SDK1: variants seen among roughly 807,000 people sequenced by gnomAD.
SDK1 encodes protein sidekick-1.
Under a neutral mutation model 245.5 loss-of-function variants are expected in SDK1, and 157 were observed. The ratio of observed to expected loss-of-function variants is 0.64; its 90% CI spans 0.56 to 0.73. The LOEUF (loss-of-function observed/expected upper bound fraction) is 0.73, where lower values mean the gene tolerates loss of function less well. Ranked by LOEUF, SDK1 falls within the 30% of genes least tolerant of loss-of-function variation. The pLI, the probability that SDK1 is intolerant of heterozygous loss-of-function variation, is 0.00. For synonymous variants in SDK1, 1,647 were observed against 1,278.5 expected, an observed-to-expected ratio of 1.29 and a Z score of -6.15; for missense variants, 3,583 against 3,002.3, an observed-to-expected ratio of 1.19 and a Z score of -4.52.
intron 4 of SDK1, among the ~76,000 whole-genome samples, chr7:3,739,512 T>G (rs1779415631): frequency 6.6e-6 from 1 of 152,184 alleles, no homozygotes; most frequent in Non-Finnish European, 1.5e-5. Flanking sequence ...GTAATTGCTA[T>G]TAGCCTGTCT....
At chr7:3,355,190 G>C (rs1017860590) in intron 1 of SDK1, among the ~76,000 whole-genome samples, 1 of 152,164 alleles carries the variant, frequency 6.6e-6, no homozygotes, top group African/African-American at 2.4e-5. Context: ...TAAAAATTGT[G>C]AATATTCTCT....
At chr7:3,687,470 C>G (rs1674664407) in intron 4 of SDK1, among the ~76,000 whole-genome samples, 1 of 152,206 alleles carries the variant, frequency 6.6e-6, no homozygotes, top group South Asian at 2.1e-4. Context: ...GAAAACATCC[C>G]AAATGTCCCT....
At chr7:3,362,972 G>T (rs1324428918) in intron 1 of SDK1, among the ~76,000 whole-genome samples, 1 of 152,138 alleles carries the variant, frequency 6.6e-6, no homozygotes, top group Non-Finnish European at 1.5e-5. Flanking sequence ...ATAATACAGA[G>T]AAATCCTCTG....
chr7:3,568,195 G>A (rs1779988523), intron 1 of SDK1, among the ~76,000 whole-genome samples: 2 of 152,158 alleles, frequency 1.3e-5, no homozygotes, highest in Non-Finnish European at 2.9e-5. Context: ...ATGGATAAAT[G>A]CATTTAATAT....
intron 1 of SDK1, among the ~76,000 whole-genome samples, chr7:3,611,454 G>T (rs1781585034): frequency 6.6e-6 from 1 of 152,280 alleles, no homozygotes; most frequent in South Asian, 2.1e-4. Context: ...AGCCTGAACT[G>T]CCCTGTCCTC....
At chr7:4,265,083 G>C in intron 44 of SDK1, 41 bp from the exon 45 acceptor site, 1 of 1,591,792 alleles carries the variant, frequency 6.3e-7, no homozygotes, top group South Asian at 1.1e-5. Context: ...CGGGCCCTGC[G>C]CCCTGCCCTG....
intron 1 of SDK1, among the ~76,000 whole-genome samples, chr7:3,534,076 G>A (rs541232385): frequency 4.2e-4 from 64 of 152,196 alleles, no homozygotes; most frequent in Non-Finnish European, 6.5e-4. Context: ...TGGCCTCCCT[G>A]CCCGACATTG....
At chr7:3,839,917 AAT>A (rs1240082850) in intron 5 of SDK1, among the ~76,000 whole-genome samples, 1 of 152,208 alleles carries the variant, frequency 6.6e-6, no homozygotes, top group African/African-American at 2.4e-5. Context: ...TTTCAAGCTT[AAT>A]ATATATTACA....
chr7:3,598,795 T>A (rs959479500), intron 1 of SDK1, among the ~76,000 whole-genome samples: 3 of 152,232 alleles, frequency 2.0e-5, no homozygotes, highest in Admixed American at 6.5e-5. Context: ...ATCAATAGTT[T>A]GTTCCATTTT....
intron 1 of SDK1, among the ~76,000 whole-genome samples, chr7:3,322,213 A>G (rs1779835363): frequency 6.6e-6 from 1 of 151,946 alleles, no homozygotes. Context: ...CTATGGATTT[A>G]TCTATTCTGA....
chr7:4,197,509 A>G (rs1183388087), intron 35 of SDK1, among the ~76,000 whole-genome samples: 3 of 152,132 alleles, frequency 2.0e-5, no homozygotes, highest in African/African-American at 7.2e-5. Flanking sequence ...GTTATTTGAA[A>G]ACATTCTTCC....
At chr7:3,872,750 A>G (rs1037198476) in intron 5 of SDK1, among the ~76,000 whole-genome samples, 2 of 151,892 alleles carry the variant, frequency 1.3e-5, no homozygotes, top group Non-Finnish European at 2.9e-5. Context: ...CTTTTTTCTG[A>G]AAACTTTCAT....
chr7:4,078,968 G>C (rs1780879733), intron 21 of SDK1, among the ~76,000 whole-genome samples: 1 of 151,468 alleles, frequency 6.6e-6, no homozygotes, highest in Non-Finnish European at 1.5e-5. Flanking sequence ...CACGTCGCCT[G>C]GGAGCAGGCG....
chr7:4,224,982 C>CAAAAAAA (rs3038664), intron 40 of SDK1, among the ~76,000 whole-genome samples: 7 of 43,744 alleles, frequency 1.6e-4, no homozygotes, highest in Non-Finnish European at 3.2e-4. Flanking sequence ...GACTCTGTCT[C>CAAAAAAA]AAAAAAAAAA....
intron 1 of SDK1, among the ~76,000 whole-genome samples, chr7:3,618,203 T>C (rs1486362911): frequency 2.0e-5 from 3 of 152,178 alleles, no homozygotes; most frequent in African/African-American, 7.2e-5. Flanking sequence ...TCATATCTAG[T>C]ATTCTCTCCA....
intron 36 of SDK1, 152 bp from the exon 37 acceptor site, chr7:4,207,947 A>G: frequency 1.6e-6 from 1 of 625,696 alleles, no homozygotes; most frequent in South Asian, 2.0e-5. Context: ...CTTCTCCCTG[A>G]TTCCTCCAGG....
intron 17 of SDK1, among the ~76,000 whole-genome samples, chr7:4,039,452 A>T (rs938844772): frequency 4.6e-5 from 7 of 152,184 alleles, no homozygotes; most frequent in Non-Finnish European, 2.9e-5. Flanking sequence ...ATGGCTTCAA[A>T]AATTAACTTT....
intron 1 of SDK1, among the ~76,000 whole-genome samples, chr7:3,532,252 G>A (rs769765239): frequency 1.9e-4 from 29 of 152,182 alleles, no homozygotes; most frequent in Non-Finnish European, 4.0e-4. Context: ...ACCCAAAGTT[G>A]TTAGGAATTG....
At chr7:3,576,651 G>T (rs1301665146) in intron 1 of SDK1, among the ~76,000 whole-genome samples, 1 of 151,846 alleles carries the variant, frequency 6.6e-6, no homozygotes, top group Non-Finnish European at 1.5e-5. Flanking sequence ...TCCAGTGTAG[G>T]CAACGTTATC....
Sources: allele counts gnomAD v4.1 joint callset (sites outside exome capture counted in the v4.1 genomes callset), GRCh38; gene constraint gnomAD v4.1.1; transcripts MANE v1.5; gene names NCBI Gene and HGNC (gene_info 2026-07-23, HGNC 2026-07-21).